The following PHACTR4 variants were observed in gnomAD, a reference collection of about 807,000 sequenced individuals.
PHACTR4 encodes the protein protein phosphatase 1, regulatory subunit 124.
PHACTR4 carries 51 observed loss-of-function variants against 72.7 expected under a neutral mutation model. That is an observed-to-expected ratio of 0.70 (90% CI 0.56 to 0.89). PHACTR4 has a LOEUF of 0.89. Among genes scored for constraint, PHACTR4 ranks in the 40% least tolerant of loss-of-function variants. PHACTR4 has a pLI of 0.00. For missense variants in PHACTR4, 731 were observed against 861.8 expected (o/e 0.85, Z 1.90); for synonymous variants, 255 against 302.5 (o/e 0.84, Z 1.63).
intron 2 of PHACTR4, among the ~76,000 whole-genome samples, chr1:28,454,555 C>T (rs1451130898): frequency 6.6e-6 from 1 of 152,000 alleles, no homozygotes; most frequent in Non-Finnish European, 1.5e-5. Flanking sequence ...TGAGCCGCCG[C>T]GCCCGGCCAT....
rs193229034 is a variant in PHACTR4 at position 28,379,682 on chromosome 1, C to T, written c.-39+9857C>T. 4.1e-3 allele frequency among the ~76,000 whole-genome samples: 615 copies of T among 151,568 alleles called. 23 individuals are homozygous for T. The highest frequency in any genetic ancestry group is 9.3e-4 in the Non-Finnish European group (63 of 67,892). On this transcript the variant is annotated intron_variant, in intron 1 of 13. Coordinates refer to ENST00000373839, the MANE Select transcript of PHACTR4 (RefSeq NM_001048183.3). ...TCGGCTCAGTGCCAGCTCCGCCTCC[C>T]GGGTTCACGCCATTCTCCTGCCTCA...
chr1:28,487,344 C>A (rs971255144), intron 9 of PHACTR4, among the ~76,000 whole-genome samples: 1 of 151,128 alleles, frequency 6.6e-6, no homozygotes, highest in Non-Finnish European at 1.5e-5. Context: ...CCAGCCTGGG[C>A]GGCAGAGCAA....
At chr1:28,376,451 G>A (rs1325037520) in intron 1 of PHACTR4, among the ~76,000 whole-genome samples, 2 of 151,334 alleles carry the variant, frequency 1.3e-5, no homozygotes, top group African/African-American at 4.8e-5. Flanking sequence ...GAGTAACTGG[G>A]ACTACAGGCA....
chr1:28,448,301 T>C (rs1657622099), intron 2 of PHACTR4, among the ~76,000 whole-genome samples: 1 of 151,920 alleles, frequency 6.6e-6, no homozygotes, highest in Middle Eastern at 3.4e-3. Flanking sequence ...AGATCACTGT[T>C]GGCCAGGCTG....
chr1:28,414,664 C>T (rs2124314495), intron 2 of PHACTR4, among the ~76,000 whole-genome samples: 1 of 152,294 alleles, frequency 6.6e-6, no homozygotes, highest in South Asian at 2.1e-4. Context: ...AGGCATGAGC[C>T]ATTGCACCCA....
chr1:28,476,327 T>C, intron 8 of PHACTR4, 36 bp downstream of exon 8: 2 of 1,540,454 alleles, frequency 1.3e-6, no homozygotes, highest in Admixed American at 2.2e-5. Flanking sequence ...CAGAGAATTC[T>C]TTTCCAGATA....
At chr1:28,440,309 A>G (rs1477354307) in intron 2 of PHACTR4, among the ~76,000 whole-genome samples, 3 of 60,888 alleles carry the variant, frequency 4.9e-5, no homozygotes, top group Non-Finnish European at 9.4e-5. Flanking sequence ...CTCAAAAAGA[A>G]AAAAAAAAAA....
At chr1:28,408,843 T>TA in intron 2 of PHACTR4, among the ~76,000 whole-genome samples, 1 of 54,688 alleles carries the variant, frequency 1.8e-5, no homozygotes, top group Non-Finnish European at 3.4e-5. Context: ...GCCCGACTGA[T>TA]TTTTTTTTTT....
intron 1 of PHACTR4, among the ~76,000 whole-genome samples, chr1:28,393,561 C>G (rs889146459): frequency 6.6e-6 from 1 of 152,020 alleles, no homozygotes; most frequent in Admixed American, 6.6e-5. Context: ...CCTGTGCTGG[C>G]AGTCATATAA....
At chr1:28,378,216 A>AAAAAAAAAAC in intron 1 of PHACTR4, among the ~76,000 whole-genome samples, 1 of 120,600 alleles carries the variant, frequency 8.3e-6, no homozygotes. Flanking sequence ...AAAAAAAAAA[A>AAAAAAAAAAC]TTTGGCCAGG....
At chr1:28,373,238 C>T (rs1161438011) in intron 1 of PHACTR4, among the ~76,000 whole-genome samples, 1 of 152,020 alleles carries the variant, frequency 6.6e-6, no homozygotes, top group Non-Finnish European at 1.5e-5. Flanking sequence ...GGATTATAGG[C>T]GTGAGCCAGT....
rs943912730 is a variant in PHACTR4 at position 28,491,622 on chromosome 1, G to A, written c.1879-28G>A. On this transcript the variant is annotated intron_variant, in intron 11 of 13. Transcript: ENST00000373839. ...TGATTGATGCCTAATTATTGGCTTG[G>A]TGAACTAAGAGGCTCCGTTTCCTTC... is the stretch of plus-strand genomic sequence containing the variant. 3 of 1,613,726 alleles carry A rather than the reference G, an allele frequency of 1.9e-6. No individual in the cohort carries two copies. The African/African-American group carries it at 4.0e-5, about 22-fold the overall frequency.
intron 2 of PHACTR4, among the ~76,000 whole-genome samples, chr1:28,446,955 C>T (rs559366938): frequency 6.6e-6 from 1 of 152,050 alleles, no homozygotes; most frequent in Non-Finnish European, 1.5e-5. Context: ...AAACATGAGC[C>T]AATTAAGCCT....
intron 2 of PHACTR4, among the ~76,000 whole-genome samples, chr1:28,446,845 G>A (rs534575627): frequency 6.6e-6 from 1 of 152,082 alleles, no homozygotes; most frequent in South Asian, 2.1e-4. Flanking sequence ...GCCATGTGAC[G>A]TGTCTACTCC....
In PHACTR4 at chr1:28,465,845, A is replaced by T. The variant is rs1659126530; in HGVS notation, c.432A>T (p.Arg144=). Residue 144 remains arginine, a synonymous_variant, in exon 5 of 14, where the codon CGA becomes CGT. Transcript: ENST00000373839. ...KAIPEEDLKK[R]LGSTGSQPNS... is the part of the protein sequence containing the mutation. The stretch of plus-strand genomic sequence containing the variant: ...TTCCAGAAGAGGACCTAAAGAAACG[A>T]CTAGGTAAGAAACTCTGGATTTTTG... The T allele has an allele frequency of 1.2e-6, 2 of 1,606,576 alleles. No individual in the cohort carries two copies. The highest frequency in any genetic ancestry group is 1.3e-5 in the African/African-American group (1 of 74,302).
At chr1:28,395,956 G>T (rs561732957) in intron 1 of PHACTR4, among the ~76,000 whole-genome samples, 17 of 143,486 alleles carry the variant, frequency 1.2e-4, no homozygotes, top group Non-Finnish European at 1.5e-4. Context: ...GAGCCACCAC[G>T]CCCGGCCAAC....
intron 1 of PHACTR4, among the ~76,000 whole-genome samples, chr1:28,392,769 A>G (rs1214881961): frequency 6.6e-6 from 1 of 152,166 alleles, no homozygotes; most frequent in Non-Finnish European, 1.5e-5. Context: ...ATCTTATGCC[A>G]AGATTGCTAA....
intron 2 of PHACTR4, among the ~76,000 whole-genome samples, chr1:28,432,478 T>TA (rs995348386): frequency 1.0e-4 from 15 of 149,150 alleles, no homozygotes; most frequent in East Asian, 4.0e-4. Context: ...CCTGTCTCTA[T>TA]AAAAAAAAAT....
At chr1:28,493,116 A>C in intron 13 of PHACTR4, 25 bp downstream of exon 13, 1 of 1,593,196 alleles carries the variant, frequency 6.3e-7, no homozygotes, top group Non-Finnish European at 8.6e-7. Context: ...ACCCAATCAT[A>C]TATGTGCTAG....
Sources: allele counts gnomAD v4.1 joint callset (sites outside exome capture counted in the v4.1 genomes callset), GRCh38; gene constraint gnomAD v4.1.1; transcripts MANE v1.5; gene names NCBI Gene and HGNC (gene_info 2026-07-23, HGNC 2026-07-21).